RRP1B: variants seen among roughly 807,000 people sequenced by gnomAD.
The protein encoded by RRP1B is ribosomal RNA processing protein 1 homolog B.
A neutral mutation model predicts 80.2 loss-of-function variants in RRP1B; 56 were observed. The ratio of observed to expected loss-of-function variants is 0.70; its 90% CI spans 0.56 to 0.87. The LOEUF is 0.87. Among genes scored for constraint, RRP1B ranks in the 40% least tolerant of loss-of-function variants. The pLI, the probability that RRP1B is intolerant of heterozygous loss-of-function variation, is 0.00. For synonymous variants in RRP1B, 351 were observed against 357.6 expected (o/e 0.98, Z 0.21); for missense variants, 807 against 939.8 (o/e 0.86, Z 1.85).
At chr21:43,687,489 C>T in intron 12 of RRP1B, 27 bp from the exon 13 acceptor site, 2 of 1,466,290 alleles carry the variant, frequency 1.4e-6, no homozygotes. Context: ...GCACTGGGTG[C>T]TTGTTGATGG....
intron 8 of RRP1B, among the ~76,000 whole-genome samples, chr21:43,680,016 C>T (rs2083037171): frequency 6.6e-6 from 1 of 152,126 alleles, no homozygotes; most frequent in Non-Finnish European, 1.5e-5. Context: ...GTATAGCCAT[C>T]ATACTGATTC....
At chr21:43,683,069 C>T (rs373187643) in intron 8 of RRP1B, among the ~76,000 whole-genome samples, 33 of 152,188 alleles carry the variant, frequency 2.2e-4, no homozygotes, top group East Asian at 2.1e-3. Context: ...GACGGGGTTT[C>T]GCCATGTTGC....
intron 8 of RRP1B, among the ~76,000 whole-genome samples, chr21:43,680,231 G>A (rs531073151): frequency 2.6e-5 from 4 of 152,288 alleles, no homozygotes; most frequent in African/African-American, 7.2e-5. Flanking sequence ...TAAAAAATCT[G>A]GAAGGATAAA....
At chr21:43,681,894 T>A (rs1360574903) in intron 8 of RRP1B, among the ~76,000 whole-genome samples, 1 of 152,176 alleles carries the variant, frequency 6.6e-6, no homozygotes, top group Non-Finnish European at 1.5e-5. Flanking sequence ...GAGGCTGCCG[T>A]GAATCATGAT....
chr21:43,686,583 G>A (rs2083063896), intron 11 of RRP1B: 1 of 489,118 alleles, frequency 2.0e-6, no homozygotes, highest in African/African-American at 1.9e-5. Flanking sequence ...CATGGAGGGT[G>A]TCACCGAGGG....
At chr21:43,674,450 C>T (rs1224420290) in intron 4 of RRP1B, among the ~76,000 whole-genome samples, 186 bp from the exon 5 acceptor site, 1 of 152,120 alleles carries the variant, frequency 6.6e-6, no homozygotes, top group African/African-American at 2.4e-5. Context: ...AGCCACTGTT[C>T]TTGGCTATGA....
At chr21:43,669,630 G>C (rs1201906134) in intron 1 of RRP1B, among the ~76,000 whole-genome samples, 1 of 152,200 alleles carries the variant, frequency 6.6e-6, no homozygotes, top group African/African-American at 2.4e-5. Flanking sequence ...TGAATTTTGT[G>C]TTGTGATGAC....
At position 43,669,932 on chromosome 21, in the gene RRP1B, A is replaced by G. The variant is rs141518595; in HGVS notation, c.179A>G (p.Tyr60Cys). The G allele has an allele frequency of 6.2e-7, 1 of 1,613,272 alleles. No homozygotes were observed. Among genetic ancestry groups the G allele is most frequent in the Admixed American group, 1.7e-5 (1 of 59,988 alleles). Residue 60 changes from tyrosine (Y) to cysteine (C), a missense_variant, in exon 2 of 16, where the codon TAC becomes TGC. By Grantham distance (194) the Tyr-to-Cys change is radical. Coordinates refer to ENST00000340648, the MANE Select transcript of RRP1B (RefSeq NM_015056.3). ...ELLKIWKGLFYCMWVQDEPLL... is the reference protein window; with the variant it reads ...ELLKIWKGLFCCMWVQDEPLL... ...CTGAAAATCTGGAAGGGGCTCTTCT[A>G]CTGCATGTGGGTGCAGGATGAACCC...
intron 1 of RRP1B, among the ~76,000 whole-genome samples, chr21:43,662,705 C>A (rs150195601): frequency 6.6e-6 from 1 of 152,226 alleles, no homozygotes; most frequent in Non-Finnish European, 1.5e-5. Context: ...ATAAAATGAT[C>A]ACTCTCCATG....
intron 4 of RRP1B, 33 bp downstream of exon 4, chr21:43,673,988 T>C: frequency 1.3e-6 from 2 of 1,487,132 alleles, no homozygotes; most frequent in Non-Finnish European, 1.9e-6. Flanking sequence ...CAAAAACTCC[T>C]GGGAAGAAAA....
In RRP1B at chr21:43,672,356, T is replaced by C. The variant is rs1488409549; in HGVS notation, c.262T>C (p.Ser88Pro). 6.2e-7 allele frequency: 1 copy of C among 1,614,034 alleles called. No individual in the cohort carries two copies. The highest frequency in any genetic ancestry group is 8.5e-7 in the Non-Finnish European group (1 of 1,179,908). Residue 88 changes from serine to proline, a missense_variant, in exon 3 of 16, where the codon TCA becomes CCA. Physicochemically the swap from Ser to Pro is moderately conservative, Grantham distance 74. Coordinates refer to ENST00000340648, the MANE Select transcript of RRP1B (RefSeq NM_015056.3). ...IAQLVHAVNN[S>P]AAQHLFIQTF... ...ACAGCTAGTCCATGCTGTTAACAACTCAGCGGCTCGTAAGTCCTGTTGTTT... is the reference window on the plus strand; with the variant it reads ...ACAGCTAGTCCATGCTGTTAACAACCCAGCGGCTCGTAAGTCCTGTTGTTT...
At position 43,675,073 on chromosome 21, in the gene RRP1B, C is replaced by T; in HGVS notation, c.459C>T (p.Val153=). The T allele has an allele frequency of 6.2e-7, 1 of 1,614,084 alleles. No individual in the cohort carries two copies. Among genetic ancestry groups the T allele is most frequent in the South Asian group, 1.1e-5 (1 of 91,062 alleles). Residue 153 remains valine (V), a synonymous_variant, in exon 6 of 16, where the codon GTC becomes GTT. Coordinates refer to ENST00000340648, the MANE Select transcript of RRP1B (RefSeq NM_015056.3). ...TCTTGGATGTCCTGATGAAGGAGGT[C>T]CTGTGTCCTGAGAGTCAGTCTCCTA... ...KVFLDVLMKE[V]LCPESQSPNG...
intron 8 of RRP1B, among the ~76,000 whole-genome samples, chr21:43,682,629 G>T (rs369688229): frequency 7.2e-5 from 11 of 152,214 alleles, no homozygotes; most frequent in Non-Finnish European, 1.5e-4. Flanking sequence ...GGGCGATGCC[G>T]TGTCCCATCC....
rs62229175 is a variant in RRP1B at position 43,693,088 on chromosome 21, G to C, written c.2084-102G>C. 1,363 of 1,218,534 alleles carry C rather than the reference G, an allele frequency of 1.1e-3. 2 individuals carry two copies. Among genetic ancestry groups the C allele is most frequent in the Middle Eastern group, 1.6e-3 (6 of 3,790 alleles). 75.5% of individuals were successfully genotyped at this position (1,218,534 alleles called of 1,614,324 possible). A position where few individuals can be genotyped will look rare whatever the true frequency, so the allele number is the denominator to read the frequency against. On this transcript the variant is annotated intron_variant, in intron 15 of 15. Transcript: ENST00000340648. The surrounding 1 kb of genome is among the most constrained non-coding windows in gnomAD (Gnocchi z 4.1). Reference sequence around the variant, plus strand: ...CTTGAGATGGCCCTGCTTCGTCCTAGCAAGTGGGTGGGGTCGGCACCCAGG... The same window carrying C: ...CTTGAGATGGCCCTGCTTCGTCCTACCAAGTGGGTGGGGTCGGCACCCAGG...
chr21:43,688,317 G>T, intron 13 of RRP1B, 77 bp downstream of exon 13: 1 of 1,453,736 alleles, frequency 6.9e-7, no homozygotes, highest in Non-Finnish European at 9.1e-7. Context: ...TGCCTCCTGA[G>T]AGGAAGGGTG....
chr21:43,691,689 A>G lies in RRP1B; in HGVS notation c.2083+187A>G, dbSNP rs1440358286. Among the ~76,000 whole-genome samples, 2 of 148,310 alleles carry G rather than the reference A, an allele frequency of 1.3e-5. No homozygotes were observed. The highest frequency in any genetic ancestry group is 1.5e-5 in the Non-Finnish European group (1 of 67,450). ...CTCGCTGCTCTGTCACCCAGGCTGC[A>G]GTGCAGTGGCGAGATCTTGGCTCAC... On this transcript the variant is annotated intron_variant, in intron 15 of 15. Coordinates refer to ENST00000340648, the MANE Select transcript of RRP1B (RefSeq NM_015056.3). The surrounding 1 kb of genome is among the most constrained non-coding windows in gnomAD (Gnocchi z 4.2).
At position 43,675,164 on chromosome 21, in the gene RRP1B, G is replaced by A. The variant is rs1250383675; in HGVS notation, c.549+1G>A. The A allele has an allele frequency of 6.2e-7, 1 of 1,613,598 alleles. No homozygotes were observed. The highest frequency in any genetic ancestry group is 1.1e-5 in the South Asian group (1 of 91,056). On this transcript the variant is annotated splice_donor_variant, in intron 6 of 15. Transcript: ENST00000340648. LOFTEE classifies it high-confidence loss of function. The stretch of plus-strand genomic sequence containing the variant: ...ACTCTCCAAAGTCGGGGGGAAGGAG[G>A]TAAGCAGCTGCCGACAGGCTGCCCA...
intron 1 of RRP1B, among the ~76,000 whole-genome samples, chr21:43,666,454 C>T (rs1448569719): frequency 2.0e-5 from 3 of 152,232 alleles, no homozygotes. Flanking sequence ...CCTGGTGGCT[C>T]ACGCCTGTAA....
rs1348493842 is a variant in RRP1B, at chr21:43,693,327, A to C, written c.2221A>C (p.Lys741Gln). The change falls in exon 16 of 16, where the codon AAG becomes CAG. Residue 741 changes from lysine (K) to glutamine (Q), a missense_variant. Physicochemically the swap from Lys to Gln is moderately conservative, Grantham distance 53. Transcript: ENST00000340648. The surrounding 1 kb of genome is among the most constrained non-coding windows in gnomAD (Gnocchi z 4.1). ...SSPASSPLVA[K>Q]KPLTTTPRRR... Reference sequence around the variant, plus strand: ...ACCTGCCAGCTCACCCCTGGTGGCCAAGAAGCCCCTGACCACCACACCAAG... The same window carrying C: ...ACCTGCCAGCTCACCCCTGGTGGCCCAGAAGCCCCTGACCACCACACCAAG... The C allele has an allele frequency of 1.9e-6, 3 of 1,610,952 alleles. No individual in the cohort carries two copies. The Admixed American group carries it at 5.1e-5, about 27-fold the overall frequency.
Sources: allele counts gnomAD v4.1 joint callset (sites outside exome capture counted in the v4.1 genomes callset), GRCh38; gene constraint gnomAD v4.1.1; non-coding constraint Gnocchi (gnomAD v3.1); transcripts MANE v1.5; gene names NCBI Gene and HGNC (gene_info 2026-07-23, HGNC 2026-07-21).